The following ACOXL variants were observed in gnomAD, a reference collection of about 807,000 sequenced individuals.
ACOXL encodes acyl-coenzyme A oxidase-like protein.
In ACOXL, 70 loss-of-function variants were observed where a neutral mutation model predicts 71.9. That is an observed-to-expected ratio of 0.97 (90% confidence interval 0.80 to 1.19). The LOEUF (loss-of-function observed/expected upper bound fraction) is 1.19, where lower values mean the gene tolerates loss of function less well. ACOXL is among the 50% of genes most tolerant of loss of function. The pLI is 0.00. For synonymous variants in ACOXL, 253 were observed against 281.6 expected, an observed-to-expected ratio of 0.90 and a Z score of 1.02; for missense variants, 703 against 736.3, an observed-to-expected ratio of 0.95 and a Z score of 0.52.
At chr2:110,749,441 A>G (rs1174304246) in intron 1 of ACOXL, among the ~76,000 whole-genome samples, 1 of 152,202 alleles carries the variant, frequency 6.6e-6, no homozygotes, top group Non-Finnish European at 1.5e-5. Context: ...AGCAGCATTG[A>G]CAGGCCGGAC....
At chr2:110,752,023 CTTTT>C (rs60152579) in intron 1 of ACOXL, among the ~76,000 whole-genome samples, 1 of 141,834 alleles carries the variant, frequency 7.1e-6, no homozygotes, top group African/African-American at 2.6e-5. Context: ...CTTTCTTCTT[CTTTT>C]TTTTTTTTTT....
At chr2:110,974,937 G>A (rs931021835) in intron 12 of ACOXL, among the ~76,000 whole-genome samples, 17 of 152,200 alleles carry the variant, frequency 1.1e-4, no homozygotes, top group Admixed American at 5.9e-4. Flanking sequence ...AGACTCAGCC[G>A]AGATGTGGTT....
At chr2:111,011,756 C>T (rs1179798647) in intron 14 of ACOXL, among the ~76,000 whole-genome samples, 1 of 151,758 alleles carries the variant, frequency 6.6e-6, no homozygotes, top group African/African-American at 2.4e-5. Flanking sequence ...GGTGGTAACA[C>T]AGCTGTTATC....
intron 1 of ACOXL, among the ~76,000 whole-genome samples, chr2:110,735,425 G>C (rs1282445627): frequency 6.6e-6 from 1 of 152,202 alleles, no homozygotes; most frequent in Non-Finnish European, 1.5e-5. Context: ...AGTGGTGAGT[G>C]CTGTGTGTAC....
intron 1 of ACOXL, among the ~76,000 whole-genome samples, chr2:110,761,613 C>A (rs1429750473): frequency 6.6e-6 from 1 of 152,186 alleles, no homozygotes; most frequent in African/African-American, 2.4e-5. Flanking sequence ...CTAAAGGCCT[C>A]CTGTCTGCAT....
intron 11 of ACOXL, among the ~76,000 whole-genome samples, chr2:110,927,472 C>G (rs2060316925): frequency 6.6e-6 from 1 of 152,110 alleles, no homozygotes; most frequent in African/African-American, 2.4e-5. Context: ...CCTGCTGTGG[C>G]CTTTCTTATA....
chr2:110,843,955 A>G (rs1327068691), intron 10 of ACOXL, among the ~76,000 whole-genome samples: 1 of 152,256 alleles, frequency 6.6e-6, no homozygotes, highest in Non-Finnish European at 1.5e-5. Context: ...GCAAGGTCCA[A>G]GGTCCTTCAC....
intron 1 of ACOXL, among the ~76,000 whole-genome samples, chr2:110,759,344 A>G (rs1403348569): frequency 6.6e-6 from 1 of 152,146 alleles, no homozygotes; most frequent in Non-Finnish European, 1.5e-5. Flanking sequence ...AATTTGCTTT[A>G]TGAATCTGGG....
At chr2:110,760,309 A>T (rs1680230210) in intron 1 of ACOXL, among the ~76,000 whole-genome samples, 1 of 150,944 alleles carries the variant, frequency 6.6e-6, no homozygotes, top group South Asian at 2.1e-4. Context: ...CGCCTGGCTA[A>T]TTTTTTTTGC....
At chr2:110,949,914 T>G (rs1490455344) in intron 12 of ACOXL, among the ~76,000 whole-genome samples, 1 of 152,220 alleles carries the variant, frequency 6.6e-6, no homozygotes, top group Non-Finnish European at 1.5e-5. Context: ...GTCCCCTTTT[T>G]TGGCAGGTGA....
chr2:111,001,417 A>AAAACAAAACAAAAC (rs1387543069), intron 14 of ACOXL, among the ~76,000 whole-genome samples: 5 of 96,498 alleles, frequency 5.2e-5, no homozygotes, highest in South Asian at 6.8e-4. Flanking sequence ...CAAAACAAAA[A>AAAACAAAACAAAAC]AACCCTAGCT....
chr2:110,972,556 G>T (rs1053741707), intron 12 of ACOXL, among the ~76,000 whole-genome samples: 1 of 152,034 alleles, frequency 6.6e-6, no homozygotes, highest in African/African-American at 2.4e-5. Flanking sequence ...TCATGGCTAT[G>T]ATTTATTACA....
intron 17 of ACOXL, among the ~76,000 whole-genome samples, chr2:111,095,665 A>G (rs1466083955): frequency 6.6e-6 from 1 of 152,166 alleles, no homozygotes; most frequent in Non-Finnish European, 1.5e-5. Flanking sequence ...TGCTGGGATT[A>G]CAGGCGTGAT....
At chr2:111,060,340 C>T (rs2066751893) in intron 16 of ACOXL, among the ~76,000 whole-genome samples, 1 of 152,040 alleles carries the variant, frequency 6.6e-6, no homozygotes, top group Non-Finnish European at 1.5e-5. Context: ...TGAGGCCACC[C>T]CCTGGTAGCG....
chr2:111,031,846 C>A, intron 15 of ACOXL, 132 bp downstream of exon 15: 2 of 851,020 alleles, frequency 2.4e-6, no homozygotes, highest in Non-Finnish European at 3.7e-6. Flanking sequence ...GAATTTAGGG[C>A]CCCAAGTGAC....
chr2:111,105,559 T>G (rs1255188135), intron 17 of ACOXL, among the ~76,000 whole-genome samples: 1 of 152,220 alleles, frequency 6.6e-6, no homozygotes, highest in African/African-American at 2.4e-5. Flanking sequence ...CATGCTTTGT[T>G]GGATTACATC....
intron 12 of ACOXL, among the ~76,000 whole-genome samples, chr2:110,981,982 A>G (rs1294164489): frequency 6.6e-6 from 1 of 152,234 alleles, no homozygotes; most frequent in Non-Finnish European, 1.5e-5. Flanking sequence ...CTGGAAAGAG[A>G]CACCAACAAG....
At chr2:111,008,291 G>C (rs1396326240) in intron 14 of ACOXL, among the ~76,000 whole-genome samples, 1 of 152,050 alleles carries the variant, frequency 6.6e-6, no homozygotes, top group Non-Finnish European at 1.5e-5. Context: ...CTAATATTCA[G>C]TGCTATACAC....
chr2:111,102,143 C>CT, intron 17 of ACOXL: 1 of 152,756 alleles, frequency 6.5e-6, no homozygotes, highest in South Asian at 2.1e-4. Flanking sequence ...GAAAATCTCT[C>CT]TTTTCCCTTC....
Sources: gnomAD v4.1 joint callset for allele counts (sites outside exome capture counted in the v4.1 genomes callset) on GRCh38, gnomAD v4.1.1 for gene constraint, MANE v1.5 for transcripts, NCBI Gene and HGNC (gene_info 2026-07-23, HGNC 2026-07-21) for gene names.